The following PLCB1 variants were observed in gnomAD, a reference collection of about 807,000 sequenced individuals.
PLCB1 encodes the protein 1-phosphatidylinositol 4,5-bisphosphate phosphodiesterase beta-1.
Under a neutral mutation model 161.8 loss-of-function variants are expected in PLCB1, and 46 were observed. The ratio of observed to expected loss-of-function variants is 0.28; its 90% confidence interval spans 0.22 to 0.36. The LOEUF (loss-of-function observed/expected upper bound fraction) is 0.36, where lower values mean the gene tolerates loss of function less well. Among genes scored for constraint, PLCB1 ranks in the 10% least tolerant of loss-of-function variants. The pLI, the probability that PLCB1 is intolerant of heterozygous loss-of-function variation, is 1.00. For missense variants in PLCB1, 1,016 were observed against 1,472.5 expected, an observed-to-expected ratio of 0.69 and a Z score of 5.07; for synonymous variants, 517 against 503.7, an observed-to-expected ratio of 1.03 and a Z score of -0.35.
At position 8,512,544 on chromosome 20, in the gene PLCB1, T is replaced by TA. The variant is rs542141421; in HGVS notation, c.247-115744dup. On this transcript the variant is annotated intron_variant, in intron 3 of 31. Transcript: ENST00000338037. ...AAATCTCTTTCCTTTTTTTAAACAATAAAAAACATTGTGGCTTTGTTTTTT... is the reference window on the plus strand; with the variant it reads ...AAATCTCTTTCCTTTTTTTAAACAATAAAAAAACATTGTGGCTTTGTTTTTT... Among the ~76,000 whole-genome samples the TA allele has an allele frequency of 2.6e-3, 391 of 152,200 alleles. 2 individuals are homozygous for TA. The highest frequency in any genetic ancestry group is 4.3e-3 in the Non-Finnish European group (293 of 67,974).
chr20:8,685,487 G>A (rs1418216017), intron 10 of PLCB1, among the ~76,000 whole-genome samples: 2 of 151,492 alleles, frequency 1.3e-5, no homozygotes, highest in Admixed American at 1.3e-4. Flanking sequence ...ACTTTGGGAC[G>A]GCGAGGCGGG....
intron 3 of PLCB1, among the ~76,000 whole-genome samples, chr20:8,484,625 A>G (rs1361698950): frequency 6.6e-6 from 1 of 152,200 alleles, no homozygotes; most frequent in East Asian, 1.9e-4. Context: ...CTGGGATTAC[A>G]GGCATGAGCC....
chr20:8,510,666 C>T (rs1299059674), intron 3 of PLCB1, among the ~76,000 whole-genome samples: 1 of 152,164 alleles, frequency 6.6e-6, no homozygotes, highest in Non-Finnish European at 1.5e-5. Flanking sequence ...GCTGGGATTA[C>T]AGGCGTGAGC....
At chr20:8,631,057 T>TC (rs1397546365) in intron 4 of PLCB1, among the ~76,000 whole-genome samples, 1 of 152,164 alleles carries the variant, frequency 6.6e-6, no homozygotes, top group Non-Finnish European at 1.5e-5. Flanking sequence ...TAGAGTATTT[T>TC]CCCCCACACT....
chr20:8,811,846 T>C (rs1043097544), intron 31 of PLCB1, among the ~76,000 whole-genome samples: 1 of 152,192 alleles, frequency 6.6e-6, no homozygotes, highest in African/African-American at 2.4e-5. Flanking sequence ...CAGCCTCCTA[T>C]AGCAGGGAAA....
chr20:8,470,708 T>C (rs1228484561), intron 3 of PLCB1, among the ~76,000 whole-genome samples: 3 of 152,136 alleles, frequency 2.0e-5, no homozygotes, highest in Non-Finnish European at 1.5e-5. Context: ...CTTTAGTTTT[T>C]TAGAAATGGG....
chr20:8,137,663 C>CA (rs576678326), intron 1 of PLCB1, among the ~76,000 whole-genome samples: 141 of 152,276 alleles, frequency 9.3e-4, no homozygotes, highest in Admixed American at 1.6e-3. Context: ...CAGCTGGATC[C>CA]ATTTTCACAA....
At chr20:8,239,492 A>G (rs1980497962) in intron 2 of PLCB1, among the ~76,000 whole-genome samples, 1 of 151,974 alleles carries the variant, frequency 6.6e-6, no homozygotes, top group Non-Finnish European at 1.5e-5. Context: ...GAGAGTACCA[A>G]ATGCAGTTTG....
At chr20:8,388,624 C>T (rs891314284) in intron 3 of PLCB1, among the ~76,000 whole-genome samples, 3 of 152,134 alleles carry the variant, frequency 2.0e-5, no homozygotes, top group Admixed American at 2.0e-4. Flanking sequence ...CTTAATTTAC[C>T]TAACATGCTT....
At chr20:8,362,363 G>T (rs1007462322) in intron 2 of PLCB1, among the ~76,000 whole-genome samples, 2 of 152,098 alleles carry the variant, frequency 1.3e-5, no homozygotes, top group African/African-American at 4.8e-5. Flanking sequence ...TCATTTGAAA[G>T]AAATTACAAA....
In PLCB1 at chr20:8,802,449, A is replaced by G. The variant is rs952568553; in HGVS notation, c.3423+12188A>G. On this transcript the variant is annotated intron_variant, in intron 31 of 31. Transcript: ENST00000338037. ...TCCTCTTTCTCCATTTTGTTTCTCT[A>G]TTGGCAAATTTGGCTTCCTTTTTAA... The G allele has an allele frequency of 2.7e-5, 10 of 365,954 alleles. No individual in the cohort carries two copies. In the East Asian group the frequency reaches 3.7e-4, roughly 14 times the overall value. 22.7% of individuals were successfully genotyped at this position (365,954 alleles called of 1,614,324 possible).
At chr20:8,813,506 G>A (rs896243327) in intron 31 of PLCB1, among the ~76,000 whole-genome samples, 5 of 152,090 alleles carry the variant, frequency 3.3e-5, no homozygotes, top group Non-Finnish European at 7.4e-5. Context: ...GGGGCAGAAA[G>A]AAACATTGGG....
intron 2 of PLCB1, among the ~76,000 whole-genome samples, chr20:8,152,356 G>A (rs2123035823): frequency 6.6e-6 from 1 of 152,174 alleles, no homozygotes; most frequent in African/African-American, 2.4e-5. Flanking sequence ...TTGAAGCCCA[G>A]CCCTGGAACC....
intron 2 of PLCB1, among the ~76,000 whole-genome samples, chr20:8,356,413 G>A (rs1030709722): frequency 4.6e-5 from 7 of 152,230 alleles, no homozygotes; most frequent in African/African-American, 1.7e-4. Context: ...TGTTTCTAGC[G>A]AGTAACCAGA....
chr20:8,746,811 A>G (rs779301536), intron 23 of PLCB1, among the ~76,000 whole-genome samples: 2 of 152,208 alleles, frequency 1.3e-5, no homozygotes, highest in South Asian at 2.1e-4. Flanking sequence ...AACCCAGGCA[A>G]TCTGGTTCTG....
rs34028351 is a variant in PLCB1 at position 8,632,035 on chromosome 20, C to CTTTTTT, written c.384+3631_384+3636dup. Among the ~76,000 whole-genome samples, 198 of 45,952 alleles carry CTTTTTT rather than the reference C, an allele frequency of 4.3e-3. 11 individuals are homozygous for CTTTTTT. The highest frequency in any genetic ancestry group is 8.5e-3 in the East Asian group (11 of 1,292). The allele number at this position is 45,952 out of a possible 152,430, so 30.1% of individuals were successfully genotyped here. ...AGGAGACAAATATGGGTTTTTTTTG[C>CTTTTTT]TTTTTTTTTTTTTTTTTTTTTTTTT... On this transcript the variant is annotated intron_variant, in intron 4 of 31. Coordinates refer to ENST00000338037, the MANE Select transcript of PLCB1 (RefSeq NM_015192.4).
intron 2 of PLCB1, among the ~76,000 whole-genome samples, chr20:8,244,156 G>T (rs766091657): frequency 6.6e-6 from 1 of 151,834 alleles, no homozygotes; most frequent in Non-Finnish European, 1.5e-5. Flanking sequence ...GTGCATTGCT[G>T]GTAGCAGTGT....
In PLCB1 at chr20:8,284,663, C is replaced by G. The variant is rs142611074; in HGVS notation, c.178-86719C>G. ...TTTTCTCTCCTCTTGAAATTGCCCC[C>G]CAAAATTAGCTCAATATAATATGAG... On this transcript the variant is annotated intron_variant, in intron 2 of 31. Transcript: ENST00000338037. Among the ~76,000 whole-genome samples, 360 of 152,242 alleles carry G rather than the reference C, an allele frequency of 2.4e-3. 1 individual carries two copies. The highest frequency in any genetic ancestry group is 8.4e-3 in the African/African-American group (348 of 41,556).
chr20:8,696,730 A>C (rs1359801442), intron 10 of PLCB1, among the ~76,000 whole-genome samples: 1 of 151,918 alleles, frequency 6.6e-6, no homozygotes, highest in Non-Finnish European at 1.5e-5. Context: ...ATTTAAATTT[A>C]TTTATTTATT....
Sources: allele counts gnomAD v4.1 joint callset (sites outside exome capture counted in the v4.1 genomes callset), GRCh38; gene constraint gnomAD v4.1.1; transcripts MANE v1.5; gene names NCBI Gene and HGNC (gene_info 2026-07-23, HGNC 2026-07-21).